Variants in HACD1 observed in about 807,000 individuals in gnomAD.
HACD1 encodes the protein very-long-chain (3R)-3-hydroxyacyl-CoA dehydratase 1.
A neutral mutation model predicts 32.0 loss-of-function variants in HACD1; 41 were observed. That is an observed-to-expected ratio of 1.28 (90% CI 1.00 to 1.66). HACD1 has a LOEUF of 1.66. HACD1 is among the 40% of genes most tolerant of loss of function. HACD1 has a pLI of 0.00. For synonymous variants in HACD1, 142 were observed against 139.0 expected (o/e 1.02, Z -0.15); for missense variants, 396 against 380.1 (o/e 1.04, Z -0.35).
At chr10:17,613,653 G>T (rs1166409992) in intron 1 of HACD1, among the ~76,000 whole-genome samples, 1 of 152,132 alleles carries the variant, frequency 6.6e-6, no homozygotes, top group African/African-American at 2.4e-5. Context: ...TTGTAAATAT[G>T]ACAAGGAAAC....
chr10:17,606,830 T>C (rs1834155159), intron 1 of HACD1, among the ~76,000 whole-genome samples: 1 of 152,184 alleles, frequency 6.6e-6, no homozygotes, highest in South Asian at 2.1e-4. Context: ...GTCAGAGTGC[T>C]TTCTATGTCT....
At chr10:17,609,156 T>G (rs1834191468) in intron 1 of HACD1, among the ~76,000 whole-genome samples, 1 of 91,338 alleles carries the variant, frequency 1.1e-5, no homozygotes, top group South Asian at 3.8e-4. Flanking sequence ...GTGCAAAAGG[T>G]TTTTTTTTTT....
At chr10:17,599,224 C>G in intron 5 of HACD1, 66 bp downstream of exon 5, 1 of 1,575,592 alleles carries the variant, frequency 6.3e-7, no homozygotes, top group Non-Finnish European at 8.6e-7. Flanking sequence ...TTTTAATTCT[C>G]TGGCGTTAGC....
At chr10:17,602,038 G>A (rs1322457593) in intron 4 of HACD1, among the ~76,000 whole-genome samples, 4 of 151,816 alleles carry the variant, frequency 2.6e-5, no homozygotes, top group Non-Finnish European at 5.9e-5. Context: ...AGGTCAGAAG[G>A]GTTGACATAG....
At chr10:17,608,814 C>G (rs1834185599) in intron 1 of HACD1, among the ~76,000 whole-genome samples, 2 of 152,112 alleles carry the variant, frequency 1.3e-5, no homozygotes, top group African/African-American at 2.4e-5. Flanking sequence ...TTCATTGACA[C>G]CTCTAAACTG....
rs782552988 is a variant in HACD1, at chr10:17,599,409, G to C, written c.486C>G (p.Ile162Met). ...AAAGCACCACACTCTCTTCATTCTG[G>C]ATCTGCAGAATTACAGAGAAACCCA... The part of the protein sequence containing the change: ...VWLITHSIKP[I>M]QNEESVVLFL... Residue 162 changes from isoleucine to methionine, a missense_variant and splice_region_variant, in exon 5 of 7, where the codon ATC becomes ATG. Coordinates refer to ENST00000361271, the MANE Select transcript of HACD1 (RefSeq NM_014241.4). 1.2e-6 allele frequency: 2 copies of C among 1,612,186 alleles called. No homozygotes were observed. The highest frequency in any genetic ancestry group is 1.7e-6 in the Non-Finnish European group (2 of 1,179,592).
At position 17,613,162 on chromosome 10, in the gene HACD1, G is replaced by A. The variant is rs1001151639; in HGVS notation, c.257+3921C>T. Among the ~76,000 whole-genome samples the A allele has an allele frequency of 8.8e-5, 13 of 147,670 alleles. No individual in the cohort carries two copies. In the East Asian group the frequency reaches 1.8e-3, roughly 21 times the overall value. On this transcript the variant is annotated intron_variant, in intron 1 of 6. Coordinates refer to ENST00000361271, the MANE Select transcript of HACD1 (RefSeq NM_014241.4). ...TGTGTGTGTGTTTTGTTTTTGAGAT[G>A]GGGTCTCGCTTTGCTGCCCAGGCTG...
chr10:17,599,196 G>A (rs781987600), intron 5 of HACD1, 94 bp downstream of exon 5: 13 of 1,533,864 alleles, frequency 8.5e-6, no homozygotes, highest in Admixed American at 3.9e-5. Flanking sequence ...TTCTGGCATC[G>A]TGGGGCTGAA....
At chr10:17,600,372 C>T (rs954713474) in intron 4 of HACD1, among the ~76,000 whole-genome samples, 4 of 152,162 alleles carry the variant, frequency 2.6e-5, no homozygotes, top group East Asian at 1.9e-4. Context: ...CGGAGTCTTG[C>T]TGTGTCACCC....
chr10:17,591,333 A>G (rs1203639137), intron 6 of HACD1, among the ~76,000 whole-genome samples: 1 of 152,126 alleles, frequency 6.6e-6, no homozygotes, highest in Admixed American at 6.5e-5. Flanking sequence ...TAGGGCCCAG[A>G]TGCATGCTCA....
At chr10:17,617,055 G>A (rs1197645852) in intron 1 of HACD1, 28 bp downstream of exon 1, 21 of 1,450,054 alleles carry the variant, frequency 1.4e-5, no homozygotes, top group Admixed American at 2.6e-5. Flanking sequence ...CGCGGGGAGG[G>A]CCCGAGGGTG....
chr10:17,603,662 A>G lies in HACD1; in HGVS notation c.395-14T>C, dbSNP rs1834102224. On this transcript the variant is annotated splice_polypyrimidine_tract_variant and intron_variant, in intron 3 of 6. Transcript: ENST00000361271. Reference sequence around the variant, plus strand: ...TAGGTACAATTCCTTAAAAAGAAAAACAAGTGAACTATTGCCCTAAAGGCA... The same window carrying G: ...TAGGTACAATTCCTTAAAAAGAAAAGCAAGTGAACTATTGCCCTAAAGGCA... 2 of 1,610,118 alleles carry G rather than the reference A, an allele frequency of 1.2e-6. No individual in the cohort carries two copies. The highest frequency in any genetic ancestry group is 4.5e-5 in the East Asian group (2 of 44,800).
Position 17,598,029 on chromosome 10 carries a change from G to A in HACD1, c.605+1261C>T, listed in dbSNP as rs1049656793. ...AATCCTAGCACTTAGGGAGGCCGAG[G>A]TGGGTGGATCACTTGAGCTCAGGTG... is the stretch of plus-strand genomic sequence containing the variant. On this transcript the variant is annotated intron_variant, in intron 5 of 6. Coordinates refer to ENST00000361271, the MANE Select transcript of HACD1 (RefSeq NM_014241.4). Among the ~76,000 whole-genome samples, 3 of 151,934 alleles carry A rather than the reference G, an allele frequency of 2.0e-5. 1 individual carries two copies. The South Asian group carries it at 6.3e-4, about 32-fold the overall frequency.
Position 17,589,252 on chromosome 10 carries a change from T to G in HACD1, c.*1112A>C, listed in dbSNP as rs45555338. 6.6e-6 allele frequency: 1 copy of G among 152,070 alleles called. No individual in the cohort carries two copies. Among genetic ancestry groups the G allele is most frequent in the East Asian group, 1.9e-4 (1 of 5,198 alleles). 9.4% of individuals were successfully genotyped at this position (152,070 alleles called of 1,614,324 possible). A position where few individuals can be genotyped will look rare whatever the true frequency, so the allele number is the denominator to read the frequency against. Reference sequence around the variant, plus strand: ...CAAAGTTCTGAGTACAGCATGATCATCTTCCTCATCATCGTTATCATCATC... The same window carrying G: ...CAAAGTTCTGAGTACAGCATGATCAGCTTCCTCATCATCGTTATCATCATC... On this transcript the variant is annotated 3_prime_UTR_variant, in exon 7 of 7. Coordinates refer to ENST00000361271, the MANE Select transcript of HACD1 (RefSeq NM_014241.4).
chr10:17,600,795 T>C (rs566806682), intron 4 of HACD1, among the ~76,000 whole-genome samples: 1 of 152,338 alleles, frequency 6.6e-6, no homozygotes, highest in South Asian at 2.1e-4. Context: ...TTAGGTATAC[T>C]GCAACGCATA....
At chr10:17,594,434 C>G in intron 5 of HACD1, 51 bp from the exon 6 acceptor site, 1 of 1,340,360 alleles carries the variant, frequency 7.5e-7, no homozygotes. Flanking sequence ...AATTATTAGA[C>G]TTTACATTGC....
chr10:17,595,105 C>T (rs987577630), intron 5 of HACD1, among the ~76,000 whole-genome samples: 21 of 151,474 alleles, frequency 1.4e-4, no homozygotes, highest in Non-Finnish European at 2.2e-4. Flanking sequence ...GTGATCCACC[C>T]GCCTCAGCCT....
intron 1 of HACD1, among the ~76,000 whole-genome samples, chr10:17,614,733 A>C (rs1362492717): frequency 4.1e-5 from 6 of 147,158 alleles, no homozygotes; most frequent in Non-Finnish European, 6.0e-5. Context: ...GGAAATAACA[A>C]GGAAACGTTT....
In HACD1 at chr10:17,617,344, A is replaced by C; in HGVS notation, c.-5T>G. On this transcript the variant is annotated 5_prime_UTR_variant, in exon 1 of 7. Coordinates refer to ENST00000361271, the MANE Select transcript of HACD1 (RefSeq NM_014241.4). ...CGCTTCCGTCAGGCGCCCCATGTGC[A>C]GCGCGCAGGGGGCTCGGCGCAGCCA... The C allele has an allele frequency of 7.2e-7, 1 of 1,396,212 alleles. No individual in the cohort carries two copies. The highest frequency in any genetic ancestry group is 9.2e-7 in the Non-Finnish European group (1 of 1,081,606). 86.5% of individuals were successfully genotyped at this position (1,396,212 alleles called of 1,614,324 possible).
Sources: allele counts gnomAD v4.1 joint callset (sites outside exome capture counted in the v4.1 genomes callset), GRCh38; gene constraint gnomAD v4.1.1; transcripts MANE v1.5; gene names NCBI Gene and HGNC (gene_info 2026-07-23, HGNC 2026-07-21).